LUZP2: variants seen among roughly 807,000 people sequenced by gnomAD.
LUZP2 encodes leucine zipper protein 2.
In LUZP2, 52 loss-of-function variants were observed where a neutral mutation model predicts 51.6. The ratio of observed to expected loss-of-function variants is 1.01; its 90% CI spans 0.81 to 1.27. The LOEUF is 1.27. Ranked by LOEUF, LUZP2 falls within the 50% of genes most tolerant of loss-of-function variation. LUZP2 has a pLI of 0.00. For missense variants in LUZP2, 436 were observed against 395.4 expected (o/e 1.10, Z -0.87); for synonymous variants, 154 against 137.3 (o/e 1.12, Z -0.85).
chr11:24,580,740 A>G (rs1268236370), intron 1 of LUZP2, among the ~76,000 whole-genome samples: 2 of 152,160 alleles, frequency 1.3e-5, no homozygotes, highest in Non-Finnish European at 2.9e-5. Context: ...ATACCACATT[A>G]TAAATTTTAT....
chr11:24,950,274 C>T (rs899411357), intron 7 of LUZP2, among the ~76,000 whole-genome samples: 4 of 151,316 alleles, frequency 2.6e-5, no homozygotes, highest in Admixed American at 1.3e-4. Context: ...AAGAGGAAAA[C>T]GAAATGTTAA....
At chr11:25,025,171 T>C (rs566075367) in intron 9 of LUZP2, among the ~76,000 whole-genome samples, 1 of 152,192 alleles carries the variant, frequency 6.6e-6, no homozygotes, top group South Asian at 2.1e-4. Flanking sequence ...ACTTCAATGT[T>C]AGACCTAAAA....
chr11:24,565,057 TA>T (rs2133781685), intron 1 of LUZP2, among the ~76,000 whole-genome samples: 2 of 152,296 alleles, frequency 1.3e-5, no homozygotes, highest in Non-Finnish European at 2.9e-5. Context: ...TTTTTGTTTG[TA>T]GTGTGCTCTA....
intron 9 of LUZP2, among the ~76,000 whole-genome samples, chr11:25,032,333 G>A (rs879497331): frequency 6.6e-6 from 1 of 152,090 alleles, no homozygotes; most frequent in African/African-American, 2.4e-5. Flanking sequence ...AACTAATAAC[G>A]CTGGTATGAC....
intron 1 of LUZP2, among the ~76,000 whole-genome samples, chr11:24,681,542 T>C (rs142001032): frequency 2.4e-3 from 368 of 152,324 alleles, no homozygotes; most frequent in East Asian, 0.013. Flanking sequence ...GAAATAGATA[T>C]TAGATTTTCA....
chr11:24,573,976 C>A (rs1250844172), intron 1 of LUZP2, among the ~76,000 whole-genome samples: 1 of 151,588 alleles, frequency 6.6e-6, no homozygotes, highest in African/African-American at 2.4e-5. Flanking sequence ...TGTGCTGCAC[C>A]CATTAACTCA....
At chr11:24,669,929 G>A (rs1856347421) in intron 1 of LUZP2, among the ~76,000 whole-genome samples, 1 of 151,864 alleles carries the variant, frequency 6.6e-6, no homozygotes, top group Admixed American at 6.6e-5. Context: ...ACTTCAAATA[G>A]CTAATGGTAG....
intron 1 of LUZP2, among the ~76,000 whole-genome samples, chr11:24,657,938 TGG>T (rs1855867674): frequency 1.3e-5 from 2 of 152,096 alleles, no homozygotes; most frequent in African/African-American, 4.8e-5. Context: ...CACAAACAAA[TGG>T]AAGACCATTC....
At chr11:24,892,475 T>A in intron 5 of LUZP2, 2 of 776,934 alleles carry the variant, frequency 2.6e-6, no homozygotes, top group Non-Finnish European at 3.1e-6. Flanking sequence ...AAAGTTAAAA[T>A]ATATTAATAG....
intron 5 of LUZP2, among the ~76,000 whole-genome samples, chr11:24,796,902 G>A (rs975993644): frequency 6.6e-6 from 1 of 151,980 alleles, no homozygotes; most frequent in African/African-American, 2.4e-5. Context: ...GTTTTATTTT[G>A]CATAGTGAAC....
chr11:24,893,781 C>CAG (rs1429049310), intron 5 of LUZP2, among the ~76,000 whole-genome samples: 4 of 149,272 alleles, frequency 2.7e-5, no homozygotes, highest in African/African-American at 1.0e-4. Flanking sequence ...CGCACACACA[C>CAG]ACACACACAC....
intron 5 of LUZP2, chr11:24,892,353 T>C (rs111255250): frequency 1.0e-6 from 1 of 985,220 alleles, no homozygotes; most frequent in Non-Finnish European, 1.2e-6. Flanking sequence ...TAGCCACCAC[T>C]GGAGTAGATG....
intron 5 of LUZP2, among the ~76,000 whole-genome samples, chr11:24,882,591 C>T (rs529226609): frequency 6.6e-6 from 1 of 152,148 alleles, no homozygotes; most frequent in South Asian, 2.1e-4. Flanking sequence ...CATAAAATTC[C>T]TTGCTATGTC....
At chr11:24,596,055 G>A (rs1337665128) in intron 1 of LUZP2, among the ~76,000 whole-genome samples, 1 of 152,144 alleles carries the variant, frequency 6.6e-6, no homozygotes, top group Admixed American at 6.5e-5. Context: ...TCCATTTCAT[G>A]GAGAATTTTT....
At chr11:24,834,400 C>G (rs901855332) in intron 5 of LUZP2, among the ~76,000 whole-genome samples, 4 of 152,206 alleles carry the variant, frequency 2.6e-5, no homozygotes, top group Non-Finnish European at 4.4e-5. Context: ...CCAGCTCCAT[C>G]CATGTCCCTG....
intron 7 of LUZP2, among the ~76,000 whole-genome samples, chr11:24,917,969 A>G (rs1473674631): frequency 6.6e-6 from 1 of 152,120 alleles, no homozygotes; most frequent in East Asian, 1.9e-4. Context: ...ACCCATGAGC[A>G]TGGAATGTTC....
At chr11:25,066,234 G>A (rs1302737264) in intron 10 of LUZP2, among the ~76,000 whole-genome samples, 1 of 151,786 alleles carries the variant, frequency 6.6e-6, no homozygotes, top group African/African-American at 2.4e-5. Flanking sequence ...ATTTGAAGAT[G>A]AGGCAAATTT....
intron 1 of LUZP2, among the ~76,000 whole-genome samples, chr11:24,625,724 G>A (rs941300904): frequency 2.0e-5 from 3 of 151,492 alleles, no homozygotes; most frequent in African/African-American, 7.3e-5. Flanking sequence ...AAAAATCAAA[G>A]TTTTCCAACT....
intron 7 of LUZP2, among the ~76,000 whole-genome samples, chr11:24,934,010 G>A (rs1294284451): frequency 1.3e-5 from 2 of 152,144 alleles, no homozygotes; most frequent in South Asian, 4.1e-4. Context: ...GATGGGGAGG[G>A]TGTATCGTAC....
Sources: allele counts gnomAD v4.1 joint callset (sites outside exome capture counted in the v4.1 genomes callset), GRCh38; gene constraint gnomAD v4.1.1; transcripts MANE v1.5; gene names NCBI Gene and HGNC (gene_info 2026-07-23, HGNC 2026-07-21).